LIN7A: variants seen among roughly 807,000 people sequenced by gnomAD.
The protein encoded by LIN7A is protein lin-7 homolog A.
LIN7A carries 25 observed loss-of-function variants against 29.8 expected under a neutral mutation model. The observed-to-expected ratio is 0.84, with a 90% CI of 0.61 to 1.17. The LOEUF is 1.17. Ranked by LOEUF, LIN7A falls within the 50% of genes most tolerant of loss-of-function variation. The pLI, the probability that LIN7A is intolerant of heterozygous loss-of-function variation, is 0.00. For missense variants in LIN7A, 239 were observed against 287.0 expected (o/e 0.83, Z 1.21); for synonymous variants, 118 against 107.5 (o/e 1.10, Z -0.60).
chr12:80,872,478 A>G (rs1182828201), intron 2 of LIN7A, among the ~76,000 whole-genome samples: 12 of 152,228 alleles, frequency 7.9e-5, no homozygotes, highest in Non-Finnish European at 1.5e-5. Flanking sequence ...ATAGTAATTT[A>G]TAAATTACTG....
intron 4 of LIN7A, among the ~76,000 whole-genome samples, chr12:80,820,887 C>CT (rs1871770634): frequency 6.6e-6 from 1 of 152,222 alleles, no homozygotes; most frequent in African/African-American, 2.4e-5. Context: ...CCATGACACT[C>CT]TGTGACACTA....
chr12:80,828,060 A>G (rs535702354), intron 4 of LIN7A, among the ~76,000 whole-genome samples: 1 of 152,336 alleles, frequency 6.6e-6, no homozygotes, highest in Admixed American at 6.5e-5. Flanking sequence ...AATGAGATCA[A>G]AATCATTCAC....
chr12:80,914,711 T>G (rs1419520248), intron 1 of LIN7A, among the ~76,000 whole-genome samples: 1 of 152,172 alleles, frequency 6.6e-6, no homozygotes. Flanking sequence ...AATTAACTTT[T>G]CACACAGAAC....
chr12:80,925,888 GC>G (rs1877555549), intron 1 of LIN7A, among the ~76,000 whole-genome samples: 1 of 152,150 alleles, frequency 6.6e-6, no homozygotes, highest in South Asian at 2.1e-4. Context: ...TGTAAAATAG[GC>G]ATTAATACCT....
At chr12:80,853,334 TA>T (rs910847885) in intron 2 of LIN7A, among the ~76,000 whole-genome samples, 87 of 117,208 alleles carry the variant, frequency 7.4e-4, no homozygotes, top group African/African-American at 2.2e-3. Context: ...AAATAATAGT[TA>T]AAAAAAAAAG....
intron 2 of LIN7A, among the ~76,000 whole-genome samples, chr12:80,887,948 T>A (rs1257399126): frequency 6.6e-6 from 1 of 151,984 alleles, no homozygotes; most frequent in Non-Finnish European, 1.5e-5. Context: ...GAAAACAGAG[T>A]ATGCGAAATT....
At chr12:80,861,714 T>A (rs1462124050) in intron 2 of LIN7A, among the ~76,000 whole-genome samples, 2 of 152,214 alleles carry the variant, frequency 1.3e-5, no homozygotes, top group African/African-American at 2.4e-5. Flanking sequence ...GCTCTGCTCA[T>A]AACCTGCAGA....
At chr12:80,880,349 T>TA (rs1874960860) in intron 2 of LIN7A, among the ~76,000 whole-genome samples, 1 of 152,126 alleles carries the variant, frequency 6.6e-6, no homozygotes, top group African/African-American at 2.4e-5. Context: ...CTCTTTTACT[T>TA]AAAAAATAGA....
At chr12:80,886,490 T>C (rs1875332894) in intron 2 of LIN7A, among the ~76,000 whole-genome samples, 1 of 72,426 alleles carries the variant, frequency 1.4e-5, no homozygotes, top group Non-Finnish European at 6.1e-5. Context: ...ATAAGAATAA[T>C]AAAGAAATTC....
chr12:80,816,482 G>C (rs1185054013), intron 4 of LIN7A, among the ~76,000 whole-genome samples: 1 of 137,500 alleles, frequency 7.3e-6, no homozygotes, highest in Non-Finnish European at 1.7e-5. Context: ...ATATACAATA[G>C]TTATATATAT....
intron 2 of LIN7A, among the ~76,000 whole-genome samples, chr12:80,868,393 A>G (rs1874248633): frequency 1.3e-5 from 2 of 152,110 alleles, no homozygotes; most frequent in Admixed American, 6.5e-5. Context: ...AAATGGAGAC[A>G]CCCCATCTCT....
At chr12:80,855,810 G>T in intron 2 of LIN7A, among the ~76,000 whole-genome samples, 1 of 151,912 alleles carries the variant, frequency 6.6e-6, no homozygotes, top group East Asian at 1.9e-4. Context: ...CCAACAATTT[G>T]GTCTGCTTGT....
chr12:80,919,603 A>T (rs1565929314), intron 1 of LIN7A, among the ~76,000 whole-genome samples: 1 of 152,204 alleles, frequency 6.6e-6, no homozygotes, highest in African/African-American at 2.4e-5. Flanking sequence ...AGAAGGATAA[A>T]AGCCAAAAAC....
chr12:80,900,442 T>C (rs187835345), intron 1 of LIN7A, among the ~76,000 whole-genome samples: 278 of 152,322 alleles, frequency 1.8e-3, no homozygotes, highest in South Asian at 8.1e-3. Flanking sequence ...AGCTGTGTCA[T>C]AGAAATTCTG....
At chr12:80,923,600 A>G (rs1183226170) in intron 1 of LIN7A, among the ~76,000 whole-genome samples, 1 of 152,110 alleles carries the variant, frequency 6.6e-6, no homozygotes, top group Non-Finnish European at 1.5e-5. Flanking sequence ...TTTTGTAAGC[A>G]TTGTACAAAG....
chr12:80,803,194 A>G (rs1439620952), intron 5 of LIN7A, among the ~76,000 whole-genome samples: 1 of 152,174 alleles, frequency 6.6e-6, no homozygotes, highest in South Asian at 2.1e-4. Flanking sequence ...AAGGTATCCA[A>G]TAAATCTTTG....
In LIN7A at chr12:80,812,450, TA is replaced by T. The variant is rs199686456; in HGVS notation, c.484-768del. 8.6e-3 allele frequency among the ~76,000 whole-genome samples: 1,131 copies of T among 131,278 alleles called. 19 individuals carry two copies. Among genetic ancestry groups the T allele is most frequent in the East Asian group, 0.06 (257 of 4,300 alleles). The allele number at this position is 131,278 out of a possible 152,430, so 86.1% of individuals were successfully genotyped here. ...GTAAGTTTCTATGTCTCAAACACTG[TA>T]AAAAAAAAAAAAAAAAAAAAAAAAG... On this transcript the variant is annotated intron_variant, in intron 4 of 5. Coordinates refer to ENST00000552864, the MANE Select transcript of LIN7A (RefSeq NM_004664.4).
At chr12:80,905,901 G>T (rs1876453728) in intron 1 of LIN7A, among the ~76,000 whole-genome samples, 1 of 151,482 alleles carries the variant, frequency 6.6e-6, no homozygotes, top group Non-Finnish European at 1.5e-5. Context: ...TTTCTTGGTT[G>T]TCTCTGGTAT....
At position 80,889,329 on chromosome 12, in the gene LIN7A, T is replaced by C. The variant is rs1875503036; in HGVS notation, c.123A>G (p.Glu41=). 2 of 1,612,434 alleles carry C rather than the reference T, an allele frequency of 1.2e-6. No homozygotes were observed. Among genetic ancestry groups the C allele is most frequent in the Non-Finnish European group, 1.7e-6 (2 of 1,179,040 alleles). ...GCTTGTGCACTGGTACTTCTCCAGA[T>C]TCCTGTAGTTTTTCCAGTAATTCAA... ...RAIELLEKLQ[E]SGEVPVHKLQ... is the part of the protein sequence containing the mutation. The change falls in exon 2 of 6, where the codon GAA becomes GAG. Residue 41 remains glutamate (E), a synonymous_variant. Coordinates refer to ENST00000552864, the MANE Select transcript of LIN7A (RefSeq NM_004664.4).
Sources: allele counts gnomAD v4.1 joint callset (sites outside exome capture counted in the v4.1 genomes callset), GRCh38; gene constraint gnomAD v4.1.1; transcripts MANE v1.5; gene names NCBI Gene and HGNC (gene_info 2026-07-23, HGNC 2026-07-21).